The following ABCA4 variants were observed in gnomAD, a reference collection of about 807,000 sequenced individuals.
The protein encoded by ABCA4 is ATP binding cassette subfamily A member 4, also known as retinal-specific phospholipid-transporting ATPase ABCA4.
Under a neutral mutation model 263.7 loss-of-function variants are expected in ABCA4, and 196 were observed. That is an observed-to-expected ratio of 0.74 (90% confidence interval 0.66 to 0.84). ABCA4 has a LOEUF of 0.84. Ranked by LOEUF, ABCA4 falls within the 40% of genes least tolerant of loss-of-function variation. The probability of loss-of-function intolerance (pLI) is 0.00; values close to 1 mark genes in which losing one functional copy is unlikely to be tolerated. For synonymous variants in ABCA4, 1,133 were observed against 1,094.2 expected, an observed-to-expected ratio of 1.04 and a Z score of -0.70; for missense variants, 2,792 against 2,855.1, an observed-to-expected ratio of 0.98 and a Z score of 0.50.
chr1:94,042,942 G>A, intron 21 of ABCA4, 44 bp from the exon 22 acceptor site: 1 of 1,613,710 alleles, frequency 6.2e-7, no homozygotes, highest in Non-Finnish European at 8.5e-7. Flanking sequence ...GCTGTGGAGG[G>A]TGAGGAAGAG....
chr1:94,031,116 A>G lies in ABCA4; in HGVS notation c.4133T>C (p.Val1378Ala), dbSNP rs1389129096. ...RSHKDFLAQIVLPATFVFLAL... is the reference protein window; with the variant it reads ...RSHKDFLAQIALPATFVFLAL... ...CAAAAACACAAAGGTAGCCGGGAGC[A>G]CGATCTGTGGGAGAATAGACGTGGA... Residue 1378 changes from valine (V) to alanine (A), a missense_variant, in exon 28 of 50, where the codon GTG becomes GCG. Val to Ala is a moderately conservative substitution (Grantham distance 64). Coordinates refer to ENST00000370225, the MANE Select transcript of ABCA4 (RefSeq NM_000350.3). 1.2e-6 allele frequency: 2 copies of G among 1,614,154 alleles called. No individual in the cohort carries two copies.
intron 14 of ABCA4, among the ~76,000 whole-genome samples, chr1:94,058,761 G>A (rs748764994): frequency 1.3e-5 from 2 of 152,230 alleles, no homozygotes; most frequent in Non-Finnish European, 2.9e-5. Flanking sequence ...TTAAGCCAGA[G>A]GTGTAATTCA....
rs1557803622 is a variant in ABCA4 at position 94,098,875 on chromosome 1, C to T, written c.687G>A (p.Leu229=). ...RRGAKTVRYA[L]CSLSQGTLQW... is the part of the protein sequence containing the mutation. Reference sequence around the variant, plus strand: ...GTAGGGTGCCCTGGGAGAGGGAGCACAGGGCATAGCGCACCGTCTTTGCCC... The same window carrying T: ...GTAGGGTGCCCTGGGAGAGGGAGCATAGGGCATAGCGCACCGTCTTTGCCC... The change falls in exon 6 of 50, where the codon CTG becomes CTA. Residue 229 remains leucine (L), a synonymous_variant. Transcript: ENST00000370225. 1 of 1,614,138 alleles carries T rather than the reference C, an allele frequency of 6.2e-7. No homozygotes were observed. The highest frequency in any genetic ancestry group is 2.2e-5 in the East Asian group (1 of 44,870).
At chr1:94,049,187 G>A (rs540930495) in intron 17 of ABCA4, among the ~76,000 whole-genome samples, 1 of 152,282 alleles carries the variant, frequency 6.6e-6, no homozygotes, top group African/African-American at 2.4e-5. Context: ...GTGCCATGAG[G>A]AGCCCACAGT....
intron 17 of ABCA4, 56 bp from the exon 18 acceptor site, chr1:94,049,013 G>C (rs1283545936): frequency 5.7e-6 from 9 of 1,574,818 alleles, no homozygotes; most frequent in Non-Finnish European, 7.0e-6. Flanking sequence ...AACGAGCAAA[G>C]GCAGGAAAGG....
At chr1:94,022,027 G>A in intron 32 of ABCA4, 76 bp from the exon 33 acceptor site, 1 of 1,268,496 alleles carries the variant, frequency 7.9e-7, no homozygotes, top group Non-Finnish European at 1.1e-6. Context: ...GGGTTTTGTA[G>A]GGAAACATGA....
At chr1:94,011,460 T>G in intron 38 of ABCA4, 75 bp from the exon 39 acceptor site, 1 of 1,607,350 alleles carries the variant, frequency 6.2e-7, no homozygotes, top group Non-Finnish European at 8.5e-7. Context: ...GGGGCCCAGA[T>G]GCTCTCACAG....
chr1:94,011,869 T>C (rs1450003174), intron 38 of ABCA4, among the ~76,000 whole-genome samples: 1 of 152,136 alleles, frequency 6.6e-6, no homozygotes, highest in Non-Finnish European at 1.5e-5. Flanking sequence ...CCCTGCAGAC[T>C]CACTTTGAAA....
At chr1:94,029,326 C>A (rs1660132441) in intron 30 of ABCA4, 119 bp downstream of exon 30, 3 of 1,052,342 alleles carry the variant, frequency 2.9e-6, no homozygotes, top group East Asian at 5.2e-5. Context: ...TTGGTTTAGT[C>A]CCCTACTCAA....
In ABCA4 at chr1:94,025,004, C is replaced by A. The variant is rs141395755; in HGVS notation, c.4584G>T (p.Arg1528Ser). 8 of 1,614,074 alleles carry A rather than the reference C, an allele frequency of 5.0e-6. No individual in the cohort carries two copies. In the African/African-American group the frequency reaches 8.0e-5, roughly 16 times the overall value. ...TTTTTACCAAGAAGTCGGAGATGTT[C>A]CTGTCCGTCAGGTCTTGTAGAATTT... ...STEILQDLTDRNISDFLVKTY... is the reference protein window; with the variant it reads ...STEILQDLTDSNISDFLVKTY... The change falls in exon 31 of 50, where the codon AGG becomes AGT. Residue 1528 changes from arginine to serine, a missense_variant. Coordinates refer to ENST00000370225, the MANE Select transcript of ABCA4 (RefSeq NM_000350.3).
chr1:94,080,692 G>A lies in ABCA4; in HGVS notation c.885C>T (p.Asp295=). The A allele has an allele frequency of 6.2e-7, 1 of 1,614,156 alleles. No individual in the cohort carries two copies. Among genetic ancestry groups the A allele is most frequent in the South Asian group, 1.1e-5 (1 of 91,074 alleles). Residue 295 remains aspartate, a synonymous_variant, in exon 8 of 50, where the codon GAC becomes GAT. Transcript: ENST00000370225. ...TGAGGGGCCTGGTCACCCACAGCAA[G>A]TCCTGCATACTCGGCCGATGGATAA... The part of the protein sequence containing the change: ...QEFIHRPSMQ[D]LLWVTRPLMQ...
chr1:94,041,174 C>G (rs1045519934), intron 23 of ABCA4, 35 bp downstream of exon 23: 1 of 1,613,020 alleles, frequency 6.2e-7, no homozygotes, highest in African/African-American at 1.3e-5. Context: ...CTCCTTCTCA[C>G]CCAGGCCAGG....
At chr1:94,088,993 G>C (rs185845250) in intron 6 of ABCA4, among the ~76,000 whole-genome samples, 7 of 152,244 alleles carry the variant, frequency 4.6e-5, no homozygotes, top group African/African-American at 1.4e-4. Context: ...GTGTGGGTGG[G>C]AGATTGCCCA....
At chr1:94,002,277 G>T (rs1023488315) in intron 44 of ABCA4, among the ~76,000 whole-genome samples, 1 of 152,236 alleles carries the variant, frequency 6.6e-6, no homozygotes, top group Non-Finnish European at 1.5e-5. Flanking sequence ...AAGACAGTGG[G>T]TCTCGCCCAG....
rs2101067691 is a variant in ABCA4, at chr1:94,055,171, T to A, written c.2527A>T (p.Met843Leu). ...CCATAGACAGCAGCATCAAGGAGCA[T>A]CATCTGCATGGACAGCAGGAAGCTG... The part of the protein sequence containing the change: ...EFSFLLSMQM[M>L]LLDAAVYGLL... The change falls in exon 16 of 50, where the codon ATG becomes TTG. Residue 843 changes from methionine (M) to leucine (L), a missense_variant. Coordinates refer to ENST00000370225, the MANE Select transcript of ABCA4 (RefSeq NM_000350.3). 1 of 1,613,990 alleles carries A rather than the reference T, an allele frequency of 6.2e-7. No homozygotes were observed. Among genetic ancestry groups the A allele is most frequent in the Non-Finnish European group, 8.5e-7 (1 of 1,180,010 alleles).
In ABCA4 at chr1:94,108,719, G is replaced by C. The variant is rs777945195; in HGVS notation, c.303-3C>G. On this transcript the variant is annotated splice_polypyrimidine_tract_variant and splice_region_variant and intron_variant, in intron 3 of 49. Transcript: ENST00000370225. The stretch of plus-strand genomic sequence containing the variant: ...AATCTCGATATACCCTTGCCAAGCT[G>C]TAAGGACAAAGCCTCATTAATAAGG... 6.2e-7 allele frequency: 1 copy of C among 1,613,792 alleles called. No individual in the cohort carries two copies. The highest frequency in any genetic ancestry group is 8.5e-7 in the Non-Finnish European group (1 of 1,179,950).
chr1:94,056,672 T>A lies in ABCA4; in HGVS notation c.2311A>T (p.Thr771Ser), dbSNP rs758090662. ...CACAGGATGTGTGGCAGGTAGAGGG[T>A]GAAATAGATGACACCACTACAGGCT... The part of the protein sequence containing the change: ...AAACSGVIYF[T>S]LYLPHILCFA... Residue 771 changes from threonine (T) to serine (S), a missense_variant, in exon 15 of 50, where the codon ACC (threonine) becomes TCC (serine). Coordinates refer to ENST00000370225, the MANE Select transcript of ABCA4 (RefSeq NM_000350.3). 9.3e-6 allele frequency: 15 copies of A among 1,613,620 alleles called. No homozygotes were observed. In the East Asian group the frequency reaches 3.1e-4, roughly 34 times the overall value.
intron 7 of ABCA4, among the ~76,000 whole-genome samples, chr1:94,083,006 T>C (rs1251215379): frequency 6.6e-6 from 1 of 152,246 alleles, no homozygotes; most frequent in African/African-American, 2.4e-5. Context: ...TATATATTTA[T>C]GTGAATTTTA....
intron 36 of ABCA4, among the ~76,000 whole-genome samples, chr1:94,019,026 T>G (rs1359224606): frequency 1.4e-5 from 2 of 145,246 alleles, no homozygotes; most frequent in African/African-American, 2.6e-5. Context: ...CAGGTTTTTT[T>G]TTTTTTTTTT....
Sources: allele counts gnomAD v4.1 joint callset (sites outside exome capture counted in the v4.1 genomes callset), GRCh38; gene constraint gnomAD v4.1.1; transcripts MANE v1.5; gene names NCBI Gene and HGNC (gene_info 2026-07-23, HGNC 2026-07-21).